The following MX1 variants were observed in gnomAD, a reference collection of about 807,000 sequenced individuals.
The protein encoded by MX1 is interferon-induced GTP-binding protein Mx1.
A neutral mutation model predicts 66.4 loss-of-function variants in MX1; 66 were observed. That is an observed-to-expected ratio of 0.99 (90% CI 0.82 to 1.22). The LOEUF (loss-of-function observed/expected upper bound fraction) is 1.22. Among genes scored for constraint, MX1 ranks in the 50% most tolerant of loss-of-function variants. MX1 has a pLI of 0.00. For missense variants in MX1, 787 were observed against 834.3 expected (o/e 0.94, Z 0.70); for synonymous variants, 311 against 318.1 (o/e 0.98, Z 0.24).
intron 5 of MX1, among the ~76,000 whole-genome samples, chr21:41,433,866 T>C (rs2090289994): frequency 6.6e-6 from 1 of 152,232 alleles, no homozygotes; most frequent in Non-Finnish European, 1.5e-5. Context: ...CAAAAAGTTA[T>C]AAGGTGAACT....
At chr21:41,436,113 A>G (rs1256446898) in intron 6 of MX1, 84 bp downstream of exon 6, 58 of 1,483,078 alleles carry the variant, frequency 3.9e-5, no homozygotes, top group Non-Finnish European at 5.2e-5. Flanking sequence ...ACAAAAGTTT[A>G]TTTTCTCACA....
At chr21:41,449,343 A>G in intron 14 of MX1, 48 bp downstream of exon 14, 1 of 1,567,596 alleles carries the variant, frequency 6.4e-7, no homozygotes, top group Middle Eastern at 1.8e-4. Context: ...AAGAAAGGAA[A>G]GGTTCGAACC....
In MX1 at chr21:41,445,513, A is replaced by G. The variant is rs534674226; in HGVS notation, c.1074A>G (p.Gln358=). ...ACCAGAGAATAACAGAGGAGCTACA[A>G]AAGTATGGTGTCGACATACCGGAAG... ...ETHQRITEEL[Q]KYGVDIPEDE... The change falls in exon 12 of 17, where the codon CAA becomes CAG. Residue 358 remains glutamine, a synonymous_variant. Coordinates refer to ENST00000398598, the MANE Select transcript of MX1 (RefSeq NM_002462.5). The G allele has an allele frequency of 6.2e-7, 1 of 1,614,202 alleles. No homozygotes were observed. Among genetic ancestry groups the G allele is most frequent in the African/African-American group, 1.3e-5 (1 of 75,052 alleles).
chr21:41,445,569 AT>A lies in MX1; in HGVS notation c.1131del (p.Asp377GlufsTer20). 6.2e-7 allele frequency: 1 copy of A among 1,614,130 alleles called. No individual in the cohort carries two copies. Among genetic ancestry groups the A allele is most frequent in the Non-Finnish European group, 8.5e-7 (1 of 1,180,016 alleles). ...AATGAAAAAATGTTCTTCCTGATAG[AT>A]GTGAGTGTTGCCAGCTGCATGGAGC... is the stretch of plus-strand genomic sequence containing the variant. ...DENEKMFFLI[D>X]KVNAFNQDIT... On this transcript the variant is annotated frameshift_variant and splice_region_variant, in exon 12 of 17. Transcript: ENST00000398598. LOFTEE classifies it high-confidence loss of function.
chr21:41,432,752 G>A (rs455599), intron 5 of MX1, among the ~76,000 whole-genome samples: 97,894 of 152,102 alleles, frequency 0.64, 33,657 homozygotes, highest in East Asian at 0.99. Flanking sequence ...TTATATGGCT[G>A]AGAGCAAAGT....
chr21:41,424,703 C>T (rs914214197), upstream of MX1, among the ~76,000 whole-genome samples: 1 of 152,222 alleles, frequency 6.6e-6, no homozygotes, highest in African/African-American at 2.4e-5. Context: ...CTGCTTGACT[C>T]AGCCCTCCCC....
chr21:41,459,034 T>C lies in MX1; in HGVS notation c.*276T>C, dbSNP rs748518651. The C allele has an allele frequency of 2.2e-5, 12 of 550,340 alleles. No homozygotes were observed. Among genetic ancestry groups the C allele is most frequent in the Non-Finnish European group, 3.5e-5 (11 of 313,896 alleles). 34.1% of individuals were successfully genotyped at this position (550,340 alleles called of 1,614,324 possible). A position where few individuals can be genotyped will look rare whatever the true frequency, so the allele number is the denominator to read the frequency against. ...TTTCAGCCCTCAGAATCGCTCCACC[T>C]TGCAGCTCTCCCCTTCTCTGTATTC... On this transcript the variant is annotated 3_prime_UTR_variant, in exon 17 of 17. Coordinates refer to ENST00000398598, the MANE Select transcript of MX1 (RefSeq NM_002462.5).
chr21:41,425,161 C>T (rs2090036345), upstream of MX1, among the ~76,000 whole-genome samples: 1 of 152,170 alleles, frequency 6.6e-6, no homozygotes, highest in Non-Finnish European at 1.5e-5. Flanking sequence ...AAGAGACCAC[C>T]AAACAGGCTT....
At chr21:41,430,064 A>G (rs73230005) in intron 3 of MX1, 1 of 152,184 alleles carries the variant, frequency 6.6e-6, no homozygotes, top group Non-Finnish European at 1.5e-5. Context: ...GGCAGCATGA[A>G]CCCATGGCAG....
chr21:41,439,840 G>C lies in MX1; in HGVS notation c.583G>C (p.Gly195Arg). 6.2e-7 allele frequency: 1 copy of C among 1,613,850 alleles called. No individual in the cohort carries two copies. Among genetic ancestry groups the C allele is most frequent in the Non-Finnish European group, 8.5e-7 (1 of 1,179,918 alleles). The change falls in exon 8 of 17, where the codon GGG becomes CGG. Residue 195 changes from glycine to arginine, a missense_variant. Gly to Arg is a moderately radical substitution (Grantham distance 125, BLOSUM62 -2). Transcript: ENST00000398598. ...VAVGNQPADI[G>R]YKIKTLIKKY... ...TGTGGGCAATCAGCCTGCTGACATT[G>C]GGTATAAGGTCAGACTTCAGACCCA...
chr21:41,445,921 C>G lies in MX1; in HGVS notation c.1132-79C>G, dbSNP rs1044987027. 26 of 1,559,554 alleles carry G rather than the reference C, an allele frequency of 1.7e-5. No homozygotes were observed. In the African/African-American group the frequency reaches 3.3e-4, roughly 20 times the overall value. ...GCAAAGAATGACTCCCCACCCTCCA[C>G]ATAGGCACGGCCTCCAAATGACCTT... On this transcript the variant is annotated intron_variant, in intron 12 of 16. Coordinates refer to ENST00000398598, the MANE Select transcript of MX1 (RefSeq NM_002462.5).
upstream of MX1, among the ~76,000 whole-genome samples, chr21:41,424,920 T>C (rs1027286425): frequency 3.9e-5 from 6 of 152,348 alleles, no homozygotes; most frequent in Middle Eastern, 3.4e-3. Context: ...AGTAAATTAC[T>C]TAACCCGTGA....
At chr21:41,432,027 A>G in intron 4 of MX1, 23 bp from the exon 5 acceptor site, 1 of 1,598,286 alleles carries the variant, frequency 6.3e-7, no homozygotes, top group Non-Finnish European at 8.6e-7. Flanking sequence ...TATCTGTTCA[A>G]TAGGCATCTG....
At chr21:41,431,587 G>T (rs941129789) in intron 4 of MX1, 2 of 156,770 alleles carry the variant, frequency 1.3e-5, no homozygotes, top group Non-Finnish European at 2.8e-5. Context: ...GCAATTCTTT[G>T]CCTCAGCCTC....
rs776081869 is a variant in MX1 at position 41,443,795 on chromosome 21, C to A, written c.937C>A (p.Leu313Met). 4 of 1,614,178 alleles carry A rather than the reference C, an allele frequency of 2.5e-6. No homozygotes were observed. Among genetic ancestry groups the A allele is most frequent in the Non-Finnish European group, 3.4e-6 (4 of 1,180,020 alleles). The change falls in exon 11 of 17, where the codon CTG (leucine) becomes ATG (methionine). Residue 313 changes from leucine to methionine, a missense_variant. By Grantham distance (15) the Leu-to-Met change is conservative (BLOSUM62 2). Transcript: ENST00000398598. ...TCCTGTGTTCTCTTCTAGGGATCTG[C>A]TGGAGGAAGGAAAGGCCACGGTTCC... ...FENHPYFRDLLEEGKATVPCL... is the reference protein window; with the variant it reads ...FENHPYFRDLMEEGKATVPCL...
At position 41,458,552 on chromosome 21, in the gene MX1, C is replaced by A. The variant is rs981842462; in HGVS notation, c.1783C>A (p.His595Asn). ...HQEASKRISS[H>N]IPLIIQFFML... is the part of the protein sequence containing the mutation. The stretch of plus-strand genomic sequence containing the variant: ...GGAGGCCAGCAAGCGCATCTCCAGC[C>A]ACATCCCTTTGATCATCCAGTTCTT... The change falls in exon 17 of 17, where the codon CAC (histidine) becomes AAC (asparagine). Residue 595 changes from histidine to asparagine, a missense_variant. Transcript: ENST00000398598. 7.4e-6 allele frequency: 12 copies of A among 1,614,116 alleles called. No individual in the cohort carries two copies. The highest frequency in any genetic ancestry group is 9.3e-6 in the Non-Finnish European group (11 of 1,180,050).
At chr21:41,449,531 C>G in intron 14 of MX1, 1 of 397,746 alleles carries the variant, frequency 2.5e-6, no homozygotes, top group Non-Finnish European at 4.4e-6. Context: ...ACACTGGCCC[C>G]AACTACAAAT....
chr21:41,425,984 G>C (rs1308498179), upstream of MX1: 1 of 153,694 alleles, frequency 6.5e-6, no homozygotes, highest in East Asian at 1.9e-4. Context: ...GGCCATTAGG[G>C]AGCCTCCGGA....
chr21:41,431,131 T>A (rs542286560), intron 4 of MX1, among the ~76,000 whole-genome samples: 1 of 152,314 alleles, frequency 6.6e-6, no homozygotes, highest in Non-Finnish European at 1.5e-5. Context: ...CAAGTGATTC[T>A]CCTGCCTCAG....
Sources: allele counts gnomAD v4.1 joint callset (sites outside exome capture counted in the v4.1 genomes callset), GRCh38; gene constraint gnomAD v4.1.1; transcripts MANE v1.5; gene names NCBI Gene and HGNC (gene_info 2026-07-23, HGNC 2026-07-21).